NPY5R: variants seen among roughly 807,000 people sequenced by gnomAD.
NPY5R encodes neuropeptide Y receptor type 5.
Under a neutral mutation model 24.8 loss-of-function variants are expected in NPY5R, and 21 were observed. The ratio of observed to expected loss-of-function variants is 0.85; its 90% CI spans 0.60 to 1.22. The LOEUF (loss-of-function observed/expected upper bound fraction) is 1.22. NPY5R is among the 50% of genes most tolerant of loss of function. The probability of loss-of-function intolerance (pLI) is 0.00; values close to 1 mark genes in which losing one functional copy is unlikely to be tolerated. For missense variants in NPY5R, 481 were observed against 521.3 expected (o/e 0.92, Z 0.75); for synonymous variants, 175 against 183.0 (o/e 0.96, Z 0.35).
Position 163,350,491 on chromosome 4 carries a change from A to G in NPY5R, c.218A>G (p.Lys73Arg). 6.2e-7 allele frequency: 1 copy of G among 1,614,138 alleles called. No individual in the cohort carries two copies. Among genetic ancestry groups the G allele is most frequent in the Non-Finnish European group, 8.5e-7 (1 of 1,179,988 alleles). Residue 73 changes from lysine (K) to arginine (R), a missense_variant, in exon 4 of 4, where the codon AAG (lysine) becomes AGG (arginine). Physicochemically the swap from Lys to Arg is conservative, Grantham distance 26. Coordinates refer to ENST00000338566, the MANE Select transcript of NPY5R (RefSeq NM_006174.4). ...LMALMKKRNQ[K>R]TTVNFLIGNL... is the part of the protein sequence containing the mutation. ...GCTCTCATGAAAAAGCGTAATCAGA[A>G]GACTACGGTAAACTTCCTCATAGGC...
chr4:163,350,525 C>T lies in NPY5R; in HGVS notation c.252C>T (p.Ala84=). ...TAAACTTCCTCATAGGCAATCTGGC[C>T]TTTTCTGATATCTTGGTTGTGCTGT... ...TTVNFLIGNL[A]FSDILVVLFC... is the part of the protein sequence containing the mutation. Residue 84 remains alanine, a synonymous_variant, in exon 4 of 4, where the codon GCC becomes GCT. Coordinates refer to ENST00000338566, the MANE Select transcript of NPY5R (RefSeq NM_006174.4). 6.2e-7 allele frequency: 1 copy of T among 1,614,184 alleles called. No homozygotes were observed. Among genetic ancestry groups the T allele is most frequent in the South Asian group, 1.1e-5 (1 of 91,082 alleles).
intron 3 of NPY5R, among the ~76,000 whole-genome samples, chr4:163,348,456 C>T (rs1303629987): frequency 1.3e-5 from 2 of 151,924 alleles, no homozygotes; most frequent in Admixed American, 1.3e-4. Context: ...TAGCCAGGCC[C>T]CATCTCCACA....
At position 163,351,699 on chromosome 4, in the gene NPY5R, A is replaced by G; in HGVS notation, c.*88A>G. 1 of 911,424 alleles carries G rather than the reference A, an allele frequency of 1.1e-6. No homozygotes were observed. Among genetic ancestry groups the G allele is most frequent in the Non-Finnish European group, 1.6e-6 (1 of 643,116 alleles). The allele number at this position is 911,424 out of a possible 1,614,324, so 56.5% of individuals were successfully genotyped here. A position where few individuals can be genotyped will look rare whatever the true frequency, so the allele number is the denominator to read the frequency against. Reference sequence around the variant, plus strand: ...AACTATTTACATATAATAAATAGAAATTTTGTTAACATGGAATTTAATTTA... The same window carrying G: ...AACTATTTACATATAATAAATAGAAGTTTTGTTAACATGGAATTTAATTTA... On this transcript the variant is annotated 3_prime_UTR_variant, in exon 4 of 4. Transcript: ENST00000338566.
In NPY5R at chr4:163,350,272, A is replaced by G. The variant is rs1339734945; in HGVS notation, c.-2A>G. The G allele has an allele frequency of 1.9e-6, 3 of 1,549,440 alleles. No individual in the cohort carries two copies. Among genetic ancestry groups the G allele is most frequent in the South Asian group, 2.5e-5 (2 of 80,510 alleles). ...TCTTTTTATTCCAAGCAGGACTATAATATGGATTTAGAGCTCGACGAGTAT... is the reference window on the plus strand; with the variant it reads ...TCTTTTTATTCCAAGCAGGACTATAGTATGGATTTAGAGCTCGACGAGTAT... On this transcript the variant is annotated 5_prime_UTR_variant, in exon 4 of 4. Transcript: ENST00000338566.
At position 163,351,087 on chromosome 4, in the gene NPY5R, T is replaced by C. The variant is rs1396444039; in HGVS notation, c.814T>C (p.Ser272Pro). 1.2e-6 allele frequency: 2 copies of C among 1,614,102 alleles called. No individual in the cohort carries two copies. The change falls in exon 4 of 4, where the codon TCT becomes CCT. Residue 272 changes from serine to proline, a missense_variant. Physicochemically the swap from Ser to Pro is moderately conservative, Grantham distance 74. Transcript: ENST00000338566. ...AAAGAGTGGGCCTCAGGTGAAACTC[T>C]CTGGCAGCCATAAATGGAGTTATTC... ...SKKSGPQVKLSGSHKWSYSFI... is the reference protein window; with the variant it reads ...SKKSGPQVKLPGSHKWSYSFI...
chr4:163,351,733 A>G lies in NPY5R; in HGVS notation c.*122A>G, dbSNP rs899437607. On this transcript the variant is annotated 3_prime_UTR_variant, in exon 4 of 4. Transcript: ENST00000338566. ...ACATGGAATTTAATTTATGTGAAAG[A>G]GTTCTGGATTCAAATGTCAGTTCAT... is the stretch of plus-strand genomic sequence containing the variant. 3.1e-6 allele frequency: 2 copies of G among 634,942 alleles called. No homozygotes were observed. Among genetic ancestry groups the G allele is most frequent in the Admixed American group, 3.5e-5 (1 of 28,536 alleles). The allele number at this position is 634,942 out of a possible 1,614,324, so 39.3% of individuals were successfully genotyped here.
chr4:163,350,090 C>T lies in NPY5R; in HGVS notation c.-9-175C>T, dbSNP rs560837343. 7.4e-5 allele frequency: 27 copies of T among 364,922 alleles called. 1 individual carries two copies. In the South Asian group the frequency reaches 1.7e-3, roughly 23 times the overall value. The allele number at this position is 364,922 out of a possible 1,614,324, so 22.6% of individuals were successfully genotyped here. A position where few individuals can be genotyped will look rare whatever the true frequency, so the allele number is the denominator to read the frequency against. On this transcript the variant is annotated intron_variant, in intron 3 of 3. Coordinates refer to ENST00000338566, the MANE Select transcript of NPY5R (RefSeq NM_006174.4). ...CTGCACTCCAGCCTGGGCGACAGAG[C>T]GAGACTCCGTCTCAAAAAAAAAAAA... is the stretch of plus-strand genomic sequence containing the variant.
In NPY5R at chr4:163,350,411, G is replaced by T. The variant is rs1304529745; in HGVS notation, c.138G>T (p.Gly46=). 6.2e-7 allele frequency: 1 copy of T among 1,613,012 alleles called. No individual in the cohort carries two copies. The highest frequency in any genetic ancestry group is 1.7e-5 in the Admixed American group (1 of 59,938). The change falls in exon 4 of 4, where the codon GGG becomes GGT. Residue 46 remains glycine (G), a synonymous_variant. Coordinates refer to ENST00000338566, the MANE Select transcript of NPY5R (RefSeq NM_006174.4). ...SVDDLQYFLI[G]LYTFVSLLGF... ...ATGACTTACAGTATTTTCTGATTGG[G>T]CTCTATACATTTGTAAGTCTTCTTG...
chr4:163,344,396 C>G (rs1447207717), intron 1 of NPY5R: 1 of 152,280 alleles, frequency 6.6e-6, no homozygotes, highest in Non-Finnish European at 1.5e-5. Flanking sequence ...ATGGACAAAG[C>G]GCTGCCCCCG....
At position 163,350,249 on chromosome 4, in the gene NPY5R, T is replaced by G; in HGVS notation, c.-9-16T>G. Reference sequence around the variant, plus strand: ...GTTTTTTTGGTTGCTGACAAATGTCTTTTTATTCCAAGCAGGACTATAATA... The same window carrying G: ...GTTTTTTTGGTTGCTGACAAATGTCGTTTTATTCCAAGCAGGACTATAATA... On this transcript the variant is annotated splice_polypyrimidine_tract_variant and intron_variant, in intron 3 of 3. Coordinates refer to ENST00000338566, the MANE Select transcript of NPY5R (RefSeq NM_006174.4). 6.6e-7 allele frequency: 1 copy of G among 1,513,826 alleles called. No individual in the cohort carries two copies. Among genetic ancestry groups the G allele is most frequent in the South Asian group, 1.4e-5 (1 of 72,838 alleles). 93.8% of individuals were successfully genotyped at this position (1,513,826 alleles called of 1,614,324 possible).
At chr4:163,350,166 A>G in intron 3 of NPY5R, 99 bp from the exon 4 acceptor site, 1 of 617,676 alleles carries the variant, frequency 1.6e-6, no homozygotes, top group Non-Finnish European at 2.7e-6. Flanking sequence ...AGGTCACGGG[A>G]GCTGATTGTA....
intron 3 of NPY5R, among the ~76,000 whole-genome samples, chr4:163,349,097 C>T (rs1735372931): frequency 6.6e-6 from 1 of 152,116 alleles, no homozygotes; most frequent in Admixed American, 6.5e-5. Flanking sequence ...ATGTCATCAT[C>T]CAGCATTGCG....
chr4:163,350,356 C>A lies in NPY5R; in HGVS notation c.83C>A (p.Pro28Gln), dbSNP rs1286076048. ...GCTGCCACTCGGAATTCTGATTTCCCAGTCTGGGATGACTATAAAAGCAGT... is the reference window on the plus strand; with the variant it reads ...GCTGCCACTCGGAATTCTGATTTCCAAGTCTGGGATGACTATAAAAGCAGT... ...NTAATRNSDFPVWDDYKSSVD... is the reference protein window; with the variant it reads ...NTAATRNSDFQVWDDYKSSVD... Residue 28 changes from proline to glutamine, a missense_variant, in exon 4 of 4, where the codon CCA becomes CAA. By Grantham distance (76) the Pro-to-Gln change is moderately conservative. Coordinates refer to ENST00000338566, the MANE Select transcript of NPY5R (RefSeq NM_006174.4). 6.2e-7 allele frequency: 1 copy of A among 1,611,790 alleles called. No homozygotes were observed. Among genetic ancestry groups the A allele is most frequent in the Non-Finnish European group, 8.5e-7 (1 of 1,178,216 alleles).
Position 163,351,329 on chromosome 4 carries a change from A to G in NPY5R, c.1056A>G (p.Val352=), listed in dbSNP as rs778212763. 7 of 1,613,808 alleles carry G rather than the reference A, an allele frequency of 4.3e-6. No homozygotes were observed. Among genetic ancestry groups the G allele is most frequent in the Non-Finnish European group, 5.9e-6 (7 of 1,179,684 alleles). Residue 352 remains valine, a synonymous_variant, in exon 4 of 4, where the codon GTA becomes GTG. Transcript: ENST00000338566. ...EENSDVHELR[V]KRSVTRIKKR... ...ATTCAGATGTTCATGAATTGAGAGT[A>G]AAACGTTCTGTTACAAGAATAAAAA...
Position 163,350,564 on chromosome 4 carries a change from C to T in NPY5R, c.291C>T (p.Phe97=). 6.2e-7 allele frequency: 1 copy of T among 1,614,164 alleles called. No individual in the cohort carries two copies. The highest frequency in any genetic ancestry group is 8.5e-7 in the Non-Finnish European group (1 of 1,180,032). Residue 97 remains phenylalanine (F), a synonymous_variant, in exon 4 of 4, where the codon TTC becomes TTT. Transcript: ENST00000338566. ...TGGTTGTGCTGTTTTGCTCACCTTT[C>T]ACACTGACGTCTGTCTTGCTGGATC... ...DILVVLFCSP[F]TLTSVLLDQW... is the part of the protein sequence containing the mutation.
intron 2 of NPY5R, among the ~76,000 whole-genome samples, chr4:163,347,183 A>T (rs1366232310): frequency 1.3e-5 from 2 of 152,236 alleles, no homozygotes; most frequent in Admixed American, 6.5e-5. Context: ...TTTATTAAAC[A>T]TCATTTCTAG....
At chr4:163,348,259 G>C (rs72699036) in intron 3 of NPY5R, among the ~76,000 whole-genome samples, 1 of 152,138 alleles carries the variant, frequency 6.6e-6, no homozygotes, top group East Asian at 1.9e-4. Context: ...CAATCTCTAC[G>C]ACAATGTATT....
intron 2 of NPY5R, among the ~76,000 whole-genome samples, chr4:163,346,180 G>T (rs566069901): frequency 1.3e-5 from 2 of 152,202 alleles, no homozygotes; most frequent in African/African-American, 4.8e-5. Flanking sequence ...TGCTAAGAGA[G>T]AATTTTTTAA....
In NPY5R at chr4:163,344,009, TCCCGC is replaced by T. The variant is rs1735092813; in HGVS notation, c.-121+13_-121+17del. On this transcript the variant is annotated intron_variant, in intron 1 of 3. Transcript: ENST00000338566. ...GGCCGGGGCGCCCCGAGGTACGGGC[TCCCGC>T]CCCTCCCTGCCAACCCCTTTCGCGC... The T allele has an allele frequency of 6.6e-6, 1 of 152,106 alleles. No homozygotes were observed. Among genetic ancestry groups the T allele is most frequent in the South Asian group, 2.1e-4 (1 of 4,810 alleles). The allele number at this position is 152,106 out of a possible 1,614,324, so 9.4% of individuals were successfully genotyped here.
Sources: allele counts gnomAD v4.1 joint callset (sites outside exome capture counted in the v4.1 genomes callset), GRCh38; gene constraint gnomAD v4.1.1; transcripts MANE v1.5; gene names NCBI Gene and HGNC (gene_info 2026-07-23, HGNC 2026-07-21).